Variants in MYOM3 observed in about 807,000 individuals in gnomAD.
MYOM3 encodes myomesin 3.
In MYOM3, 155 loss-of-function variants were observed where a neutral mutation model predicts 191.7. That is an observed-to-expected ratio of 0.81 (90% CI 0.71 to 0.92). The LOEUF is 0.92. MYOM3 is among the 40% of genes least tolerant of loss of function. The pLI, the probability that MYOM3 is intolerant of heterozygous loss-of-function variation, is 0.00. For synonymous variants in MYOM3, 757 were observed against 762.9 expected (o/e 0.99, Z 0.13); for missense variants, 1,889 against 1,890.6 (o/e 1.00, Z 0.02).
rs780256294 is a variant in MYOM3 at position 24,108,014 on chromosome 1, G to A, written c.221C>T (p.Thr74Met). Residue 74 changes from threonine (T) to methionine (M), a missense_variant, in exon 3 of 37, where the codon ACG becomes ATG. Thr to Met is a moderately conservative substitution (Grantham distance 81). Coordinates refer to ENST00000374434, the MANE Select transcript of MYOM3 (RefSeq NM_152372.4). ...DYALAAALAL[T>M]ASSELSWEAQ... is the part of the protein sequence containing the mutation. ...TCACCAAGACAGCTCGGAGGAGGCC[G>A]TCAGAGCCAGGGCTGCTGCCAGGGC... The A allele has an allele frequency of 7.4e-6, 12 of 1,613,480 alleles. No homozygotes were observed. Among genetic ancestry groups the A allele is most frequent in the African/African-American group, 2.7e-5 (2 of 74,922 alleles).
chr1:24,108,695 G>C, intron 1 of MYOM3, 41 bp from the exon 2 acceptor site: 1 of 1,445,708 alleles, frequency 6.9e-7, no homozygotes, highest in Non-Finnish European at 9.2e-7. Flanking sequence ...CCAGGTGCCC[G>C]CCTATCCCCT....
At chr1:24,070,971 G>C in intron 25 of MYOM3, 146 bp downstream of exon 25, 1 of 1,028,464 alleles carries the variant, frequency 9.7e-7, no homozygotes, top group Non-Finnish European at 1.4e-6. Context: ...TTCCCATCCC[G>C]TCCTCATCAC....
intron 9 of MYOM3, 25 bp downstream of exon 9, chr1:24,094,808 AGGGGCCAGCTCTGGAGGCTG>A (rs746583268): frequency 1.9e-6 from 3 of 1,569,208 alleles, no homozygotes; most frequent in East Asian, 4.5e-5. Context: ...TGAGCTTTGG[AGGGGCCAGCTCTGGAGGCTG>A]GGGGCCAGGA....
At chr1:24,071,890 C>G (rs370078330) in intron 24 of MYOM3, 79 bp downstream of exon 24, 1 of 1,477,040 alleles carries the variant, frequency 6.8e-7, no homozygotes, top group African/African-American at 1.4e-5. Flanking sequence ...GGTCCTTGGC[C>G]TGACTCTGCT....
In MYOM3 at chr1:24,111,220, G is replaced by A. The variant is rs1409194001; in HGVS notation, c.-19+811C>T. ...AACTGCCCCCGCTTCCCTCTCTTGG[G>A]GTGCAAAAATCTGGGCCAGAGGTCC... On this transcript the variant is annotated intron_variant, in intron 1 of 36. Coordinates refer to ENST00000374434, the MANE Select transcript of MYOM3 (RefSeq NM_152372.4). This position sits in a 1 kb window ranked among gnomAD's most constrained non-coding sequence, Gnocchi z 4.7. Among the ~76,000 whole-genome samples the A allele has an allele frequency of 1.3e-5, 2 of 152,176 alleles. No individual in the cohort carries two copies. The highest frequency in any genetic ancestry group is 4.8e-5 in the African/African-American group (2 of 41,440).
At chr1:24,073,519 T>C (rs145583437) in intron 23 of MYOM3, among the ~76,000 whole-genome samples, 1 of 152,266 alleles carries the variant, frequency 6.6e-6, no homozygotes, top group East Asian at 1.9e-4. Flanking sequence ...TGTTGTTTTT[T>C]GGGGCTACAG....
intron 19 of MYOM3, among the ~76,000 whole-genome samples, chr1:24,080,950 G>T (rs529012090): frequency 6.6e-6 from 1 of 152,300 alleles, no homozygotes; most frequent in African/African-American, 2.4e-5. Flanking sequence ...GACTAAGAGG[G>T]TTCCTGGGAC....
At chr1:24,074,098 G>A in intron 23 of MYOM3, 62 bp downstream of exon 23, 1 of 1,364,656 alleles carries the variant, frequency 7.3e-7, no homozygotes, top group East Asian at 2.3e-5. Context: ...TGACCTGTGT[G>A]GGCATTTGTG....
rs1453564365 is a variant in MYOM3 at position 24,108,553 on chromosome 1, C to T, written c.84G>A (p.Gln28=). 2 of 1,579,312 alleles carry T rather than the reference C, an allele frequency of 1.3e-6. No individual in the cohort carries two copies. The highest frequency in any genetic ancestry group is 8.6e-7 in the Non-Finnish European group (1 of 1,162,862). ...GCCGCTCCTCCTTCTGCTCCTCCTC[C>T]TGCCGGTGCTCCAGCCTGTGAACCT... ...AMEVHRLEHR[Q]EEEQKEERQH... Residue 28 remains glutamine (Q), a synonymous_variant, in exon 2 of 37, where the codon CAG becomes CAA. Transcript: ENST00000374434.
At chr1:24,108,440 AGG>A in intron 2 of MYOM3, 34 bp downstream of exon 2, 1 of 1,498,524 alleles carries the variant, frequency 6.7e-7, no homozygotes, top group Non-Finnish European at 8.9e-7. Flanking sequence ...CCCTGGGAAC[AGG>A]GCAGTGGCTG....
At chr1:24,088,630 G>C (rs1011786809) in intron 14 of MYOM3, among the ~76,000 whole-genome samples, 3 of 152,200 alleles carry the variant, frequency 2.0e-5, no homozygotes, top group African/African-American at 7.2e-5. Context: ...TGTGAAAAGA[G>C]AGGCCTGTTT....
At chr1:24,106,217 G>T in intron 4 of MYOM3, 140 bp from the exon 5 acceptor site, 1 of 994,922 alleles carries the variant, frequency 1.0e-6, no homozygotes, top group Non-Finnish European at 1.4e-6. Context: ...CCCTAGCTGA[G>T]CAGGGTGGCA....
chr1:24,070,229 A>G (rs1214518449), intron 25 of MYOM3, among the ~76,000 whole-genome samples: 1 of 152,218 alleles, frequency 6.6e-6, no homozygotes, highest in Non-Finnish European at 1.5e-5. Context: ...TAAGAGAAGA[A>G]AAGCAAAAAA....
In MYOM3 at chr1:24,086,647, G is replaced by T. The variant is rs1172190949; in HGVS notation, c.1795C>A (p.Pro599Thr). The change falls in exon 15 of 37, where the codon CCA becomes ACA. Residue 599 changes from proline to threonine, a missense_variant. Physicochemically the swap from Pro to Thr is conservative, Grantham distance 38. Coordinates refer to ENST00000374434, the MANE Select transcript of MYOM3 (RefSeq NM_152372.4). Reference protein sequence around the residue: ...PSEPIALRGPPATLPPPAQVQ... With the variant: ...PSEPIALRGPTATLPPPAQVQ... ...ACCCCCGGCATCAGGAGGGTACCTGGCGGGCCCCGCAAGGCGATGGGTTCG... is the reference window on the plus strand; with the variant it reads ...ACCCCCGGCATCAGGAGGGTACCTGTCGGGCCCCGCAAGGCGATGGGTTCG... The T allele has an allele frequency of 6.2e-7, 1 of 1,613,388 alleles. No homozygotes were observed.
chr1:24,078,070 G>T (rs1643622893), intron 20 of MYOM3, among the ~76,000 whole-genome samples: 1 of 152,120 alleles, frequency 6.6e-6, no homozygotes. Context: ...CCCCTGGCAG[G>T]CTCTCCCCCA....
chr1:24,101,559 C>G lies in MYOM3; in HGVS notation c.561-1784G>C, dbSNP rs183837274. 2.6e-3 allele frequency among the ~76,000 whole-genome samples: 401 copies of G among 152,226 alleles called. 3 individuals carry two copies. The highest frequency in any genetic ancestry group is 9.0e-3 in the African/African-American group (375 of 41,526). Reference sequence around the variant, plus strand: ...GCCAGGAGTTTAAGATCAGCCTGGGCAACATAGCAAGACCCCATCTTTACA... The same window carrying G: ...GCCAGGAGTTTAAGATCAGCCTGGGGAACATAGCAAGACCCCATCTTTACA... On this transcript the variant is annotated intron_variant, in intron 5 of 36. Coordinates refer to ENST00000374434, the MANE Select transcript of MYOM3 (RefSeq NM_152372.4).
In MYOM3 at chr1:24,081,355, G is replaced by A. The variant is rs1358606967; in HGVS notation, c.2382C>T (p.Cys794=). 3.7e-6 allele frequency: 6 copies of A among 1,613,980 alleles called. No individual in the cohort carries two copies. The South Asian group carries it at 6.6e-5, about 18-fold the overall frequency. ...CTGGCTGGGGCATTGTCCACTCTTTGCACTCAAACAGGCTGCTGGGTGCCG... is the reference window on the plus strand; with the variant it reads ...CTGGCTGGGGCATTGTCCACTCTTTACACTCAAACAGGCTGCTGGGTGCCG... The part of the protein sequence containing the change: ...ELSAPSSLFE[C]KEWTMPQPGP... The change falls in exon 19 of 37, where the codon TGC becomes TGT. Residue 794 remains cysteine (C), a synonymous_variant. Transcript: ENST00000374434.
At chr1:24,107,373 C>T (rs1643993264) in intron 3 of MYOM3, 141 bp from the exon 4 acceptor site, 1 of 711,128 alleles carries the variant, frequency 1.4e-6, no homozygotes, top group Non-Finnish European at 2.2e-6. Context: ...TCTTCCCTTG[C>T]CTCCAAAACA....
intron 1 of MYOM3, among the ~76,000 whole-genome samples, chr1:24,109,632 G>A (rs945413211): frequency 6.6e-6 from 1 of 152,184 alleles, no homozygotes; most frequent in Non-Finnish European, 1.5e-5. Context: ...TATGTTCCAT[G>A]CCCATGTTAG....
Sources: allele counts gnomAD v4.1 joint callset (sites outside exome capture counted in the v4.1 genomes callset), GRCh38; gene constraint gnomAD v4.1.1; non-coding constraint Gnocchi (gnomAD v3.1); transcripts MANE v1.5; gene names NCBI Gene and HGNC (gene_info 2026-07-23, HGNC 2026-07-21).